The following CDT1 variants were observed in gnomAD, a reference collection of about 807,000 sequenced individuals.
CDT1 encodes the protein chromatin licensing and DNA replication factor 1, also known as DNA replication factor Cdt1.
A neutral mutation model predicts 49.3 loss-of-function variants in CDT1; 66 were observed. The observed-to-expected ratio is 1.34, with a 90% confidence interval of 1.10 to 1.64. CDT1 has a LOEUF of 1.64. CDT1 is among the 40% of genes most tolerant of loss of function. The pLI, the probability that CDT1 is intolerant of heterozygous loss-of-function variation, is 0.00. For synonymous variants in CDT1, 424 were observed against 347.4 expected (o/e 1.22, Z -2.45); for missense variants, 958 against 807.7 (o/e 1.19, Z -2.26).
chr16:88,806,718 G>C (rs1316192889), intron 7 of CDT1, 44 bp downstream of exon 7: 11 of 1,554,776 alleles, frequency 7.1e-6, no homozygotes, highest in African/African-American at 1.4e-5. Context: ...CCGGGTGGGT[G>C]GGCCAGCCTG....
Position 88,805,470 on chromosome 16 carries a change from C to T in CDT1, c.519C>T (p.Phe173=). 1 of 1,612,820 alleles carries T rather than the reference C, an allele frequency of 6.2e-7. No homozygotes were observed. Among genetic ancestry groups the T allele is most frequent in the East Asian group, 2.2e-5 (1 of 44,878 alleles). The change falls in exon 4 of 10, where the codon TTC becomes TTT. Residue 173 remains phenylalanine (F), a synonymous_variant. Coordinates refer to ENST00000301019, the MANE Select transcript of CDT1 (RefSeq NM_030928.4). The stretch of plus-strand genomic sequence containing the variant: ...AGAAGGCGCCCGCCTACCAGCGCTT[C>T]CATGCCCTGGCCCAGCCCGGCCTGC... The part of the protein sequence containing the change: ...CGEKAPAYQR[F]HALAQPGLPG...
intron 1 of CDT1, among the ~76,000 whole-genome samples, 168 bp from the exon 2 acceptor site, chr16:88,804,377 G>A (rs1454978603): frequency 6.6e-6 from 1 of 152,174 alleles, no homozygotes; most frequent in Non-Finnish European, 1.5e-5. Flanking sequence ...ACGAGAGCAA[G>A]GCTGTGTCCC....
Position 88,805,530 on chromosome 16 carries a change from G to A in CDT1, c.579G>A (p.Leu193=), listed in dbSNP as rs373709218. 4.3e-6 allele frequency: 7 copies of A among 1,612,910 alleles called. No homozygotes were observed. The highest frequency in any genetic ancestry group is 1.7e-5 in the Admixed American group (1 of 60,030). Residue 193 remains leucine (L), a synonymous_variant, in exon 4 of 10, where the codon CTG becomes CTA. Transcript: ENST00000301019. ...TGCTGCCCTACAAGTACCAGGTGCT[G>A]GCGGAGATGTTCCGCAGCATGGACA... ...GLVLPYKYQV[L]AEMFRSMDTI... is the part of the protein sequence containing the mutation.
Position 88,806,090 on chromosome 16 carries a change from A to G in CDT1, c.902A>G (p.Lys301Arg). 3 of 1,601,990 alleles carry G rather than the reference A, an allele frequency of 1.9e-6. No individual in the cohort carries two copies. The highest frequency in any genetic ancestry group is 1.3e-5 in the African/African-American group (1 of 74,984). The change falls in exon 6 of 10, where the codon AAG becomes AGG. Residue 301 changes from lysine to arginine, a missense_variant. Lys to Arg is a conservative substitution (Grantham distance 26, BLOSUM62 2). Coordinates refer to ENST00000301019, the MANE Select transcript of CDT1 (RefSeq NM_030928.4). The stretch of plus-strand genomic sequence containing the variant: ...CAGCGACGGCAGATCTTCAGCCAGA[A>G]GCTGGTGGAGCATGTCAAGGAGCAC... ...LLQRRQIFSQKLVEHVKEHHK... is the reference protein window; with the variant it reads ...LLQRRQIFSQRLVEHVKEHHK...
intron 1 of CDT1, 82 bp downstream of exon 1, chr16:88,804,141 G>A: frequency 1.1e-6 from 1 of 941,526 alleles, no homozygotes; most frequent in Non-Finnish European, 1.4e-6. Context: ...GGGAAACTGA[G>A]GCGGAGGGAC....
intron 1 of CDT1, 23 bp downstream of exon 1, chr16:88,804,082 G>T: frequency 7.2e-7 from 1 of 1,382,320 alleles, no homozygotes. Context: ...GGGAGACTGA[G>T]GCCGGGGAGT....
Position 88,807,055 on chromosome 16 carries a change from A to G in CDT1, c.1127A>G (p.Glu376Gly). ...TCCAACCTGTCCCTCCCGCAGATGG[A>G]GAAGGCCTTGAGTCAATTGGCCCTG... is the stretch of plus-strand genomic sequence containing the variant. ...RARNLISPRM[E>G]KALSQLALRS... The change falls in exon 8 of 10, where the codon GAG becomes GGG. Residue 376 changes from glutamate to glycine, a missense_variant. Glu to Gly is a moderately conservative substitution (Grantham distance 98). Transcript: ENST00000301019. 6.2e-7 allele frequency: 1 copy of G among 1,612,878 alleles called. No individual in the cohort carries two copies. Among genetic ancestry groups the G allele is most frequent in the Non-Finnish European group, 8.5e-7 (1 of 1,179,946 alleles).
intron 9 of CDT1, 107 bp downstream of exon 9, chr16:88,807,589 C>A: frequency 8.8e-7 from 1 of 1,131,400 alleles, no homozygotes; most frequent in Non-Finnish European, 1.3e-6. Flanking sequence ...CTGTTCTGTT[C>A]AGATGTGCAG....
chr16:88,804,442 C>A, intron 1 of CDT1, 103 bp from the exon 2 acceptor site: 2 of 1,442,858 alleles, frequency 1.4e-6, no homozygotes, highest in African/African-American at 1.4e-5. Context: ...CAGCCATGCC[C>A]GTCCCAGTTA....
intron 7 of CDT1, 126 bp downstream of exon 7, chr16:88,806,800 G>A: frequency 7.6e-7 from 1 of 1,313,944 alleles, no homozygotes; most frequent in Non-Finnish European, 1.1e-6. Context: ...TTGGCTGGCG[G>A]ATCCAGAGAG....
Position 88,805,820 on chromosome 16 carries a change from C to T in CDT1, c.783C>T (p.Gly261=), listed in dbSNP as rs1793741164. Reference sequence around the variant, plus strand: ...GCAGTGTCCCCACCTTCAAGGATGGCACCAGGAGGTCAGATTACCAGCTCA... The same window carrying T: ...GCAGTGTCCCCACCTTCAAGGATGGTACCAGGAGGTCAGATTACCAGCTCA... ...QERSVPTFKD[G]TRRSDYQLTI... is the part of the protein sequence containing the mutation. The change falls in exon 5 of 10, where the codon GGC becomes GGT. Residue 261 remains glycine, a synonymous_variant. Transcript: ENST00000301019. 8.1e-6 allele frequency: 13 copies of T among 1,613,116 alleles called. No homozygotes were observed. The highest frequency in any genetic ancestry group is 6.7e-5 in the African/African-American group (5 of 75,046).
chr16:88,805,451 C>T lies in CDT1; in HGVS notation c.500C>T (p.Ala167Val). ...GRPEEPCGEKAPAYQRFHALA... is the reference protein window; with the variant it reads ...GRPEEPCGEKVPAYQRFHALA... ...TCCCTCCCTGACAGTGGCGAGAAGG[C>T]GCCCGCCTACCAGCGCTTCCATGCC... is the stretch of plus-strand genomic sequence containing the variant. Residue 167 changes from alanine (A) to valine (V), a missense_variant, in exon 4 of 10, where the codon GCG becomes GTG. Ala to Val is a moderately conservative substitution (Grantham distance 64, BLOSUM62 0). Coordinates refer to ENST00000301019, the MANE Select transcript of CDT1 (RefSeq NM_030928.4). The T allele has an allele frequency of 9.9e-6, 16 of 1,612,622 alleles. No homozygotes were observed. Among genetic ancestry groups the T allele is most frequent in the East Asian group, 2.2e-5 (1 of 44,884 alleles).
chr16:88,807,106 G>C lies in CDT1; in HGVS notation c.1178G>C (p.Gly393Ala), dbSNP rs746870943. 4.3e-6 allele frequency: 7 copies of C among 1,612,794 alleles called. No individual in the cohort carries two copies. In the Admixed American group the frequency reaches 1.2e-4, roughly 27 times the overall value. ...ALRSAAPSSP[G>A]SPRPALPATP... The stretch of plus-strand genomic sequence containing the variant: ...CGCTCTGCTGCGCCCAGCAGCCCCG[G>C]GTCTCCCAGGCCAGCACTGCCGGCT... The change falls in exon 8 of 10, where the codon GGG (glycine) becomes GCG (alanine). Residue 393 changes from glycine (G) to alanine (A), a missense_variant. Gly to Ala is a moderately conservative substitution (Grantham distance 60). Coordinates refer to ENST00000301019, the MANE Select transcript of CDT1 (RefSeq NM_030928.4).
rs1908959771 is a variant in CDT1, at chr16:88,808,508, G to A, written c.*230G>A. The A allele has an allele frequency of 1.4e-5, 8 of 582,070 alleles. No individual in the cohort carries two copies. Among genetic ancestry groups the A allele is most frequent in the Non-Finnish European group, 2.4e-5 (8 of 328,876 alleles). 36.1% of individuals were successfully genotyped at this position (582,070 alleles called of 1,614,324 possible). On this transcript the variant is annotated 3_prime_UTR_variant, in exon 10 of 10. Coordinates refer to ENST00000301019, the MANE Select transcript of CDT1 (RefSeq NM_030928.4). ...ATTCACATTAAACCGGTTTCTGTGGGCACCTCTGTCCTTGCTGCTGGTGGG... is the reference window on the plus strand; with the variant it reads ...ATTCACATTAAACCGGTTTCTGTGGACACCTCTGTCCTTGCTGCTGGTGGG...
At chr16:88,806,740 A>G in intron 7 of CDT1, 66 bp downstream of exon 7, 1 of 1,527,128 alleles carries the variant, frequency 6.5e-7, no homozygotes, top group Non-Finnish European at 8.9e-7. Context: ...CCCCAGGCTT[A>G]AGAGGTGGAA....
rs913913329 is a variant in CDT1, at chr16:88,806,127, C to T, written c.933+6C>T. On this transcript the variant is annotated splice_donor_region_variant and intron_variant, in intron 6 of 9. Transcript: ENST00000301019. ...ATGTCAAGGAGCACCACAAGGTGAGCGGCCCCCGGCCCCGCTGTGTGAAGA... is the reference window on the plus strand; with the variant it reads ...ATGTCAAGGAGCACCACAAGGTGAGTGGCCCCCGGCCCCGCTGTGTGAAGA... The T allele has an allele frequency of 5.1e-6, 8 of 1,581,638 alleles. No homozygotes were observed. The African/African-American group carries it at 9.4e-5, about 19-fold the overall frequency.
chr16:88,804,540 A>C lies in CDT1; in HGVS notation c.229-5A>C, dbSNP rs1195947905. On this transcript the variant is annotated splice_region_variant and splice_polypyrimidine_tract_variant and intron_variant, in intron 1 of 9. Transcript: ENST00000301019. The stretch of plus-strand genomic sequence containing the variant: ...TGAGTTCACCCTTGGGGTCCCTCCC[A>C]CCAGGTTTCCAGCCCCAGTACCCCC... The C allele has an allele frequency of 3.1e-6, 5 of 1,611,650 alleles. No individual in the cohort carries two copies. The South Asian group carries it at 5.5e-5, about 18-fold the overall frequency.
chr16:88,807,680 C>A (rs1299678157), intron 9 of CDT1, among the ~76,000 whole-genome samples, 198 bp downstream of exon 9: 1 of 152,352 alleles, frequency 6.6e-6, no homozygotes, highest in African/African-American at 2.4e-5. Context: ...CCCGGCCCCT[C>A]CACACCTGCA....
Position 88,805,834 on chromosome 16 carries a change from A to C in CDT1, c.797A>C (p.Asp266Ala), listed in dbSNP as rs531235485. Residue 266 changes from aspartate (D) to alanine (A), a missense_variant, in exon 5 of 10, where the codon GAT becomes GCT. Coordinates refer to ENST00000301019, the MANE Select transcript of CDT1 (RefSeq NM_030928.4). ...TTCAAGGATGGCACCAGGAGGTCAG[A>C]TTACCAGCTCACCATCGAGCCACTG... Reference protein sequence around the residue: ...PTFKDGTRRSDYQLTIEPLLE... With the variant: ...PTFKDGTRRSAYQLTIEPLLE... 3 of 1,613,086 alleles carry C rather than the reference A, an allele frequency of 1.9e-6. No homozygotes were observed. In the East Asian group the frequency reaches 6.7e-5, roughly 36 times the overall value.
Sources: allele counts gnomAD v4.1 joint callset (sites outside exome capture counted in the v4.1 genomes callset), GRCh38; gene constraint gnomAD v4.1.1; transcripts MANE v1.5; gene names NCBI Gene and HGNC (gene_info 2026-07-23, HGNC 2026-07-21).